The following PAFAH1B2 variants were observed in gnomAD, a reference collection of about 807,000 sequenced individuals.
PAFAH1B2 encodes the protein platelet-activating factor acetylhydrolase IB subunit alpha2.
In PAFAH1B2, 8 loss-of-function variants were observed where a neutral mutation model predicts 28.0. The ratio of observed to expected loss-of-function variants is 0.29; its 90% CI spans 0.17 to 0.52. The LOEUF is 0.52. Among genes scored for constraint, PAFAH1B2 ranks in the 20% least tolerant of loss-of-function variants. The pLI, the probability that PAFAH1B2 is intolerant of heterozygous loss-of-function variation, is 0.97. For synonymous variants in PAFAH1B2, 104 were observed against 103.2 expected, an observed-to-expected ratio of 1.01 and a Z score of -0.05; for missense variants, 190 against 282.6, an observed-to-expected ratio of 0.67 and a Z score of 2.35.
chr11:117,167,179 T>C (rs1441613457), intron 5 of PAFAH1B2, among the ~76,000 whole-genome samples: 4 of 150,124 alleles, frequency 2.7e-5, no homozygotes, highest in Admixed American at 2.6e-4. Flanking sequence ...GTATTTAGAG[T>C]AGTGGGCCAG....
intron 2 of PAFAH1B2, 107 bp downstream of exon 2, chr11:117,152,635 C>A: frequency 1.3e-6 from 1 of 779,080 alleles, no homozygotes; most frequent in Non-Finnish European, 2.2e-6. Context: ...CCAGGCTGAT[C>A]TCAAACTGCA....
downstream of PAFAH1B2, chr11:117,175,185 A>AT: frequency 8.9e-7 from 1 of 1,129,048 alleles, no homozygotes; most frequent in African/African-American, 1.6e-5. Context: ...AGCTCTTTGT[A>AT]TATTATGCCA....
chr11:117,161,369 ATTT>A, intron 4 of PAFAH1B2, 108 bp downstream of exon 4: 1 of 642,852 alleles, frequency 1.6e-6, no homozygotes, highest in Non-Finnish European at 2.6e-6. Flanking sequence ...CTATTTCACT[ATTT>A]TTTTCGTGCC....
chr11:117,165,500 C>CA (rs1277476564), intron 5 of PAFAH1B2, among the ~76,000 whole-genome samples: 1 of 152,158 alleles, frequency 6.6e-6, no homozygotes, highest in African/African-American at 2.4e-5. Context: ...GTGTACAAGG[C>CA]ACTATCCTAG....
chr11:117,146,058 A>G (rs1022963651), intron 1 of PAFAH1B2, among the ~76,000 whole-genome samples: 2 of 151,944 alleles, frequency 1.3e-5, no homozygotes, highest in Admixed American at 1.3e-4. Flanking sequence ...TGTTGTGGCA[A>G]ATTAACAAAA....
exon 6 of PAFAH1B2, chr11:117,176,154 T>C (rs1173112615): frequency 3.5e-6 from 2 of 575,880 alleles, no homozygotes; most frequent in Non-Finnish European, 6.2e-6. Context: ...GAGCGTCACT[T>C]TCCTCATCTG....
At chr11:117,153,712 T>C (rs1956204017) in intron 2 of PAFAH1B2, among the ~76,000 whole-genome samples, 1 of 152,148 alleles carries the variant, frequency 6.6e-6, no homozygotes, top group Non-Finnish European at 1.5e-5. Flanking sequence ...TATTTCTATA[T>C]GTATATACTA....
chr11:117,163,727 G>T lies in PAFAH1B2; in HGVS notation c.289-43G>T, dbSNP rs1460874535. The T allele has an allele frequency of 5.0e-6, 8 of 1,590,336 alleles. No homozygotes were observed. The African/African-American group carries it at 6.8e-5, about 14-fold the overall frequency. On this transcript the variant is annotated intron_variant, in intron 4 of 5. Transcript: ENST00000527958. ...AAATGTTGGACGTTCCTTTGTTCCT[G>T]GGTATTTATCTTCTCCTTCCCCCCT...
Position 117,168,008 on chromosome 11 carries a change from C to T in PAFAH1B2, c.*309C>T. On this transcript the variant is annotated 3_prime_UTR_variant, in exon 6 of 6. Transcript: ENST00000527958. ...CTGTTTTCTTGGGACAACATCAAGCCTAAATACTGAACAATATGAAGATTC... is the reference window on the plus strand; with the variant it reads ...CTGTTTTCTTGGGACAACATCAAGCTTAAATACTGAACAATATGAAGATTC... The T allele has an allele frequency of 9.3e-7, 1 of 1,077,242 alleles. No individual in the cohort carries two copies. The highest frequency in any genetic ancestry group is 1.1e-6 in the Non-Finnish European group (1 of 887,708). The allele number at this position is 1,077,242 out of a possible 1,614,324, so 66.7% of individuals were successfully genotyped here. A position where few individuals can be genotyped will look rare whatever the true frequency, so the allele number is the denominator to read the frequency against.
In PAFAH1B2 at chr11:117,163,813, C is replaced by T; in HGVS notation, c.332C>T (p.Ala111Val). 1 of 1,613,870 alleles carries T rather than the reference C, an allele frequency of 6.2e-7. No homozygotes were observed. Among genetic ancestry groups the T allele is most frequent in the Non-Finnish European group, 8.5e-7 (1 of 1,179,842 alleles). The change falls in exon 5 of 6, where the codon GCA becomes GTA. Residue 111 changes from alanine to valine, a missense_variant. Ala to Val is a moderately conservative substitution (Grantham distance 64, BLOSUM62 0). Coordinates refer to ENST00000527958, the MANE Select transcript of PAFAH1B2 (RefSeq NM_002572.4). ...GGAACAAATAACCACGAAAATACAG[C>T]AGAAGAAGTAGCAGGTGGGATCGAG... ...WVGTNNHENT[A>V]EEVAGGIEAI...
downstream of PAFAH1B2, chr11:117,175,456 CA>C: frequency 9.3e-7 from 1 of 1,073,948 alleles, no homozygotes; most frequent in Non-Finnish European, 1.1e-6. Context: ...GCTGCCCTCC[CA>C]CTCTGTAGAC....
chr11:117,165,820 C>T (rs1005877721), intron 5 of PAFAH1B2, among the ~76,000 whole-genome samples: 1 of 151,352 alleles, frequency 6.6e-6, no homozygotes, highest in African/African-American at 2.4e-5. Context: ...GAGGCCACAA[C>T]CAGGTCATGT....
At chr11:117,159,810 C>CA in intron 2 of PAFAH1B2, 124 bp from the exon 3 acceptor site, 1 of 660,378 alleles carries the variant, frequency 1.5e-6, no homozygotes, top group Non-Finnish European at 2.7e-6. Context: ...AGGCTGATCT[C>CA]AAACTCCTGA....
chr11:117,175,870 T>C (rs2029950838), downstream of PAFAH1B2: 5 of 1,531,660 alleles, frequency 3.3e-6, no homozygotes, highest in Non-Finnish European at 4.4e-6. Flanking sequence ...AAGACCAGCC[T>C]GGGCAATGTA....
chr11:117,152,927 G>A lies in PAFAH1B2; in HGVS notation c.81+399G>A, dbSNP rs527882373. ...TCTACTAAAAATAAGTTAGCCGGTT[G>A]TGGTGGCAGGCGCCTATAGTCCCAG... On this transcript the variant is annotated intron_variant, in intron 2 of 5. Transcript: ENST00000527958. 8.5e-5 allele frequency among the ~76,000 whole-genome samples: 13 copies of A among 152,306 alleles called. No homozygotes were observed. The South Asian group carries it at 2.5e-3, about 29-fold the overall frequency.
chr11:117,151,642 G>A (rs955070144), intron 1 of PAFAH1B2, among the ~76,000 whole-genome samples: 1 of 152,086 alleles, frequency 6.6e-6, no homozygotes, highest in African/African-American at 2.4e-5. Flanking sequence ...CTGTACTACA[G>A]TTATTTGTGT....
At chr11:117,167,389 C>G (rs377077568) in intron 5 of PAFAH1B2, 32 bp from the exon 6 acceptor site, 193 of 1,503,790 alleles carry the variant, frequency 1.3e-4, no homozygotes, top group Non-Finnish European at 1.6e-4. Flanking sequence ...ATAAGTGAAT[C>G]TTCTAATTTA....
downstream of PAFAH1B2, among the ~76,000 whole-genome samples, chr11:117,177,869 T>A (rs2030070550): frequency 6.6e-6 from 1 of 152,236 alleles, no homozygotes. Context: ...ATATCCTGAA[T>A]TCTCTGCTTA....
At position 117,169,747 on chromosome 11, in the gene PAFAH1B2, T is replaced by C. The variant is rs1956606869; in HGVS notation, c.*2048T>C. ...TTGAGTTTTTCACAAGAGATTTTTT[T>C]CTTAGCTGAGGTATAGTTGTATAGC... On this transcript the variant is annotated 3_prime_UTR_variant, in exon 6 of 6. Coordinates refer to ENST00000527958, the MANE Select transcript of PAFAH1B2 (RefSeq NM_002572.4). The C allele has an allele frequency of 9.5e-7, 1 of 1,058,108 alleles. No individual in the cohort carries two copies. Among genetic ancestry groups the C allele is most frequent in the Non-Finnish European group, 1.1e-6 (1 of 874,954 alleles). 65.5% of individuals were successfully genotyped at this position (1,058,108 alleles called of 1,614,324 possible). A position where few individuals can be genotyped will look rare whatever the true frequency, so the allele number is the denominator to read the frequency against.
Sources: allele counts gnomAD v4.1 joint callset (sites outside exome capture counted in the v4.1 genomes callset), GRCh38; gene constraint gnomAD v4.1.1; transcripts MANE v1.5; gene names NCBI Gene and HGNC (gene_info 2026-07-23, HGNC 2026-07-21).